Variants in DYSF observed in about 807,000 individuals in gnomAD.
DYSF encodes dysferlin, also known as dystrophy-associated fer-1-like 1.
DYSF carries 212 observed loss-of-function variants against 274.9 expected under a neutral mutation model. That is an observed-to-expected ratio of 0.77 (90% CI 0.69 to 0.86). The LOEUF is 0.86. Among genes scored for constraint, DYSF ranks in the 40% least tolerant of loss-of-function variants. DYSF has a pLI of 0.00. For synonymous variants in DYSF, 1,091 were observed against 1,078.7 expected, an observed-to-expected ratio of 1.01 and a Z score of -0.22; for missense variants, 2,666 against 2,783.2, an observed-to-expected ratio of 0.96 and a Z score of 0.95.
At chr2:71,599,773 A>G (rs865899074) in intron 33 of DYSF, among the ~76,000 whole-genome samples, 1 of 152,220 alleles carries the variant, frequency 6.6e-6, no homozygotes, top group African/African-American at 2.4e-5. Context: ...TGCCCTGACC[A>G]GACATCAGGT....
rs1311082649 is a variant in DYSF at position 71,682,750 on chromosome 2, AGCT to A, written c.6321+74_6321+76del. ...GGGGAGTTCATCATTGTCCTCAAAG[AGCT>A]CTCCCAGTCTAATGGAGAGAAGTAA... On this transcript the variant is annotated intron_variant, in intron 55 of 55. Transcript: ENST00000410020. 3.9e-6 allele frequency: 6 copies of A among 1,552,104 alleles called. No individual in the cohort carries two copies. The African/African-American group carries it at 6.8e-5, about 18-fold the overall frequency.
intron 1 of DYSF, among the ~76,000 whole-genome samples, chr2:71,477,112 C>T (rs544234147): frequency 5.9e-5 from 9 of 152,042 alleles, no homozygotes; most frequent in African/African-American, 9.7e-5. Context: ...GAATAACAAA[C>T]GACGTTCCAT....
chr2:71,559,082 G>T (rs957038800), intron 22 of DYSF, among the ~76,000 whole-genome samples: 3 of 152,114 alleles, frequency 2.0e-5, no homozygotes, highest in African/African-American at 7.2e-5. Context: ...CCTTTTCCCG[G>T]CTCATCTTCC....
chr2:71,663,330 C>G (rs2094936265), intron 45 of DYSF, among the ~76,000 whole-genome samples: 1 of 152,234 alleles, frequency 6.6e-6, no homozygotes, highest in African/African-American at 2.4e-5. Context: ...TGCTGCGTCC[C>G]TTTAGCTGCT....
At chr2:71,543,807 C>A (rs189453791) in intron 17 of DYSF, among the ~76,000 whole-genome samples, 1 of 151,908 alleles carries the variant, frequency 6.6e-6, no homozygotes. Context: ...GCAGAGATGG[C>A]GGCAGTACAG....
At chr2:71,680,970 G>T in intron 53 of DYSF, 31 bp from the exon 54 acceptor site, 1 of 1,603,382 alleles carries the variant, frequency 6.2e-7, no homozygotes, top group Non-Finnish European at 8.5e-7. Context: ...GAGCCTTCGT[G>T]CCCCTAACCA....
chr2:71,559,643 C>T (rs972253587), intron 22 of DYSF, among the ~76,000 whole-genome samples: 13 of 152,190 alleles, frequency 8.5e-5, no homozygotes, highest in African/African-American at 3.1e-4. Context: ...TGTCTTTGCA[C>T]TTGTGCACAT....
rs1463511333 is a variant in DYSF at position 71,659,348 on chromosome 2, A to G, written c.4911+315A>G. On this transcript the variant is annotated intron_variant, in intron 44 of 55. Transcript: ENST00000410020. Reference sequence around the variant, plus strand: ...TAGTGTTTTAAGAGGGGCCAAAAGCATAGGCAAAGGTTTGAAAGAAAATTG... The same window carrying G: ...TAGTGTTTTAAGAGGGGCCAAAAGCGTAGGCAAAGGTTTGAAAGAAAATTG... 6.6e-5 allele frequency among the ~76,000 whole-genome samples: 10 copies of G among 152,354 alleles called. No homozygotes were observed. The East Asian group carries it at 1.7e-3, about 26-fold the overall frequency.
chr2:71,478,872 A>T, intron 1 of DYSF, among the ~76,000 whole-genome samples: 1 of 148,916 alleles, frequency 6.7e-6, no homozygotes, highest in Admixed American at 6.7e-5. Flanking sequence ...ATCCTCCCTC[A>T]CCCCTTGCCT....
intron 6 of DYSF, 121 bp from the exon 7 acceptor site, chr2:71,513,595 G>A: frequency 9.8e-7 from 1 of 1,015,516 alleles, no homozygotes; most frequent in Non-Finnish European, 1.5e-6. Context: ...GGGAGAGGAA[G>A]AGGGGATGAG....
At chr2:71,506,558 C>T (rs2085494921) in intron 4 of DYSF, among the ~76,000 whole-genome samples, 1 of 152,148 alleles carries the variant, frequency 6.6e-6, no homozygotes, top group Admixed American at 6.5e-5. Context: ...AGGAAGGTCC[C>T]ACTGGGAGCT....
At chr2:71,464,010 G>A (rs767100562), upstream of DYSF, among the ~76,000 whole-genome samples, 3 of 152,126 alleles carry the variant, frequency 2.0e-5, no homozygotes, top group African/African-American at 4.8e-5. Flanking sequence ...TAGAGAAGGC[G>A]TTGTGATGAG....
At chr2:71,466,584 C>G, upstream of DYSF, 1 of 1,175,724 alleles carries the variant, frequency 8.5e-7, no homozygotes, top group South Asian at 3.8e-5. Flanking sequence ...GCCCGTCTGA[C>G]CCCTGTCCCT....
intron 41 of DYSF, among the ~76,000 whole-genome samples, chr2:71,641,801 G>A (rs2094490305): frequency 6.6e-6 from 1 of 152,078 alleles, no homozygotes; most frequent in South Asian, 2.1e-4. Context: ...CAAAAGGTTA[G>A]TATTTTATTT....
At chr2:71,511,179 C>T (rs1004842312) in intron 4 of DYSF, among the ~76,000 whole-genome samples, 1 of 152,184 alleles carries the variant, frequency 6.6e-6, no homozygotes, top group Admixed American at 6.5e-5. Context: ...GTCACCAGTC[C>T]CTCTCCTCTC....
At chr2:71,686,351 G>A in intron 55 of DYSF, 103 bp from the exon 56 acceptor site, 2 of 1,453,094 alleles carry the variant, frequency 1.4e-6, no homozygotes, top group Non-Finnish European at 1.9e-6. Flanking sequence ...TTGCCTGTTG[G>A]CAGCTTAGCC....
intron 36 of DYSF, among the ~76,000 whole-genome samples, chr2:71,605,483 TAGA>T (rs1329598337): frequency 6.6e-6 from 1 of 151,966 alleles, no homozygotes; most frequent in Non-Finnish European, 1.5e-5. Flanking sequence ...AGAACATGTG[TAGA>T]AGAAGACCCA....
chr2:71,467,016 C>G, intron 1 of DYSF, 83 bp downstream of exon 1: 8 of 1,510,398 alleles, frequency 5.3e-6, no homozygotes, highest in Non-Finnish European at 7.1e-6. Context: ...GCCCCTGCTC[C>G]GGAGCTAACC....
chr2:71,682,839 C>G (rs2095312594), intron 55 of DYSF, among the ~76,000 whole-genome samples, 162 bp downstream of exon 55: 1 of 152,178 alleles, frequency 6.6e-6, no homozygotes, highest in African/African-American at 2.4e-5. Context: ...TGGGGAGTCT[C>G]CAATCTGGTA....
Sources: allele counts gnomAD v4.1 joint callset (sites outside exome capture counted in the v4.1 genomes callset), GRCh38; gene constraint gnomAD v4.1.1; transcripts MANE v1.5; gene names NCBI Gene and HGNC (gene_info 2026-07-23, HGNC 2026-07-21).